Variants in USP34 observed in about 807,000 individuals in gnomAD.
The protein encoded by USP34 is ubiquitin carboxyl-terminal hydrolase 34.
In USP34, 70 loss-of-function variants were observed where a neutral mutation model predicts 460.3. That is an observed-to-expected ratio of 0.15 (90% CI 0.13 to 0.19). The LOEUF (loss-of-function observed/expected upper bound fraction) is 0.19. Among genes scored for constraint, USP34 ranks in the 10% least tolerant of loss-of-function variants. USP34 has a pLI of 1.00. For synonymous variants in USP34, 1,647 were observed against 1,405.3 expected (o/e 1.17, Z -3.85); for missense variants, 3,985 against 4,236.2 (o/e 0.94, Z 1.65).
At chr2:61,371,895 C>T in intron 8 of USP34, among the ~76,000 whole-genome samples, 1 of 151,976 alleles carries the variant, frequency 6.6e-6, no homozygotes, top group East Asian at 1.9e-4. Flanking sequence ...GTTACAAATG[C>T]CCACAGAATT....
intron 48 of USP34, 63 bp downstream of exon 48, chr2:61,256,321 A>C: frequency 7.1e-7 from 1 of 1,410,962 alleles, no homozygotes. Context: ...ATCTTAGTTT[A>C]CCCTTAGTTT....
chr2:61,271,287 C>A (rs932456248), intron 41 of USP34, among the ~76,000 whole-genome samples: 1 of 152,154 alleles, frequency 6.6e-6, no homozygotes, highest in Non-Finnish European at 1.5e-5. Flanking sequence ...CTGGGTGAAG[C>A]TTTATCTTCT....
intron 2 of USP34, among the ~76,000 whole-genome samples, chr2:61,411,245 G>C (rs1016034376): frequency 6.6e-6 from 1 of 151,908 alleles, no homozygotes; most frequent in Non-Finnish European, 1.5e-5. Flanking sequence ...AGGCAGGCAA[G>C]GTGCCATACG....
At chr2:61,220,829 A>C (rs191745807) in intron 66 of USP34, among the ~76,000 whole-genome samples, 20 of 152,326 alleles carry the variant, frequency 1.3e-4, no homozygotes, top group Admixed American at 1.3e-3. Context: ...CTAAGTGAGA[A>C]TACAAGAAGC....
At chr2:61,266,506 T>G (rs566274892) in intron 41 of USP34, among the ~76,000 whole-genome samples, 43 of 152,338 alleles carry the variant, frequency 2.8e-4, no homozygotes, top group Non-Finnish European at 4.6e-4. Context: ...CTGCATTAAC[T>G]TTCCCCTTAC....
intron 48 of USP34, among the ~76,000 whole-genome samples, chr2:61,254,770 A>T (rs940428091): frequency 6.6e-6 from 1 of 152,226 alleles, no homozygotes; most frequent in South Asian, 2.1e-4. Context: ...AACCTGGGGA[A>T]CATGTGAATC....
intron 41 of USP34, among the ~76,000 whole-genome samples, chr2:61,268,748 TATATAAAA>T (rs565562008): frequency 5.1e-4 from 78 of 152,272 alleles, no homozygotes; most frequent in Non-Finnish European, 8.7e-4. Context: ...AGAATTCACA[TATATAAAA>T]ATAGAAAATA....
At chr2:61,246,659 A>T (rs947336369) in intron 49 of USP34, among the ~76,000 whole-genome samples, 182 bp from the exon 50 acceptor site, 1 of 152,024 alleles carries the variant, frequency 6.6e-6, no homozygotes, top group African/African-American at 2.4e-5. Flanking sequence ...ATTTACAGAA[A>T]TAGGCACAAA....
chr2:61,187,514 A>G lies in USP34; in HGVS notation c.*588T>C, dbSNP rs906922430. The G allele has an allele frequency of 8.1e-6, 8 of 983,986 alleles. No homozygotes were observed. Among genetic ancestry groups the G allele is most frequent in the East Asian group, 1.1e-4 (1 of 8,964 alleles). The allele number at this position is 983,986 out of a possible 1,614,324, so 61.0% of individuals were successfully genotyped here. On this transcript the variant is annotated 3_prime_UTR_variant, in exon 80 of 80. Transcript: ENST00000398571. ...TAAGTGCACAGAATAGCAATCAATC[A>G]ATCAGTCATGTCAATAAAAATAAAA...
intron 48 of USP34, among the ~76,000 whole-genome samples, chr2:61,253,985 T>C (rs1688655963): frequency 6.6e-6 from 1 of 152,244 alleles, no homozygotes; most frequent in Non-Finnish European, 1.5e-5. Flanking sequence ...TCCACCTGCC[T>C]TGGCCTCCCA....
intron 8 of USP34, among the ~76,000 whole-genome samples, chr2:61,376,823 C>T (rs1454546778): frequency 6.6e-6 from 1 of 152,090 alleles, no homozygotes; most frequent in African/African-American, 2.4e-5. Context: ...TTTGTATTTA[C>T]AGTAGAGATG....
chr2:61,225,952 C>T (rs1687714151), intron 62 of USP34, among the ~76,000 whole-genome samples: 1 of 152,124 alleles, frequency 6.6e-6, no homozygotes, highest in Admixed American at 6.6e-5. Context: ...CACTTGAGGG[C>T]CATTTTATTT....
intron 41 of USP34, among the ~76,000 whole-genome samples, chr2:61,266,836 C>T (rs1330131754): frequency 6.6e-6 from 1 of 152,212 alleles, no homozygotes; most frequent in East Asian, 1.9e-4. Flanking sequence ...TGCCTACAGT[C>T]TGCAAACGTC....
intron 5 of USP34, among the ~76,000 whole-genome samples, chr2:61,387,173 A>AT (rs1476006108): frequency 3.3e-5 from 5 of 152,134 alleles, no homozygotes; most frequent in Admixed American, 6.6e-5. Flanking sequence ...TTAGAAATAT[A>AT]TAACAGGCCA....
chr2:61,194,814 G>A (rs1020285272), intron 75 of USP34, among the ~76,000 whole-genome samples: 2 of 152,140 alleles, frequency 1.3e-5, no homozygotes, highest in African/African-American at 4.8e-5. Flanking sequence ...CTAGCAGGGC[G>A]TGGTGGCACA....
chr2:61,188,492 C>G lies in USP34; in HGVS notation c.10251G>C (p.Met3417Ile). ...PENSSVKEYR[M>I]EVPSSFSEDM... is the part of the protein sequence containing the mutation. ...CTTCTGAAAACGAAGATGGAACTTC[C>G]ATTCGGTATTCTTTAACAGAACTAT... The change falls in exon 80 of 80, where the codon ATG becomes ATC. Residue 3417 changes from methionine to isoleucine, a missense_variant. By Grantham distance (10) the Met-to-Ile change is conservative. This residue lies in a region of USP34 where 506 missense variants were observed against 439.0 expected (regional missense o/e 1.15). Coordinates refer to ENST00000398571, the MANE Select transcript of USP34 (RefSeq NM_014709.4). The G allele has an allele frequency of 6.2e-7, 1 of 1,614,188 alleles. No homozygotes were observed. Among genetic ancestry groups the G allele is most frequent in the Non-Finnish European group, 8.5e-7 (1 of 1,180,038 alleles).
intron 48 of USP34, among the ~76,000 whole-genome samples, chr2:61,252,181 G>C (rs1288097595): frequency 6.6e-6 from 1 of 152,104 alleles, no homozygotes; most frequent in African/African-American, 2.4e-5. Context: ...CTAAATAAAA[G>C]GAATCAAAGT....
At chr2:61,280,854 T>A (rs1689515444) in intron 38 of USP34, among the ~76,000 whole-genome samples, 1 of 152,164 alleles carries the variant, frequency 6.6e-6, no homozygotes, top group South Asian at 2.1e-4. Context: ...ATGCTATTTC[T>A]AAAATAGAGT....
intron 29 of USP34, among the ~76,000 whole-genome samples, 175 bp downstream of exon 29, chr2:61,300,776 A>G (rs182877003): frequency 6.6e-6 from 1 of 151,196 alleles, no homozygotes; most frequent in East Asian, 2.0e-4. Flanking sequence ...AGCCTGGTCA[A>G]CAGAGTGAGA....
Sources: gnomAD v4.1 joint callset for allele counts (sites outside exome capture counted in the v4.1 genomes callset) on GRCh38, gnomAD v4.1.1 for gene constraint, gnomAD v4.1.1 regional missense constraint, MANE v1.5 for transcripts, NCBI Gene and HGNC (gene_info 2026-07-23, HGNC 2026-07-21) for gene names.